GRK5: variants seen among roughly 807,000 people sequenced by gnomAD.
GRK5 encodes the protein g protein-coupled receptor kinase GRK5.
Under a neutral mutation model 78.4 loss-of-function variants are expected in GRK5, and 40 were observed. That is an observed-to-expected ratio of 0.51 (90% CI 0.40 to 0.66). The LOEUF (loss-of-function observed/expected upper bound fraction) is 0.66. Among genes scored for constraint, GRK5 ranks in the 30% least tolerant of loss-of-function variants. GRK5 has a pLI of 0.00. For synonymous variants in GRK5, 289 were observed against 296.8 expected (o/e 0.97, Z 0.27); for missense variants, 598 against 759.9 (o/e 0.79, Z 2.50).
At chr10:119,426,758 CCAT>C (rs1852685638) in intron 6 of GRK5, among the ~76,000 whole-genome samples, 1 of 152,028 alleles carries the variant, frequency 6.6e-6, no homozygotes, top group South Asian at 2.1e-4. Flanking sequence ...ATCAGTATCA[CCAT>C]CATCATCAGT....
intron 1 of GRK5, among the ~76,000 whole-genome samples, chr10:119,252,311 T>C (rs1849217579): frequency 6.6e-6 from 1 of 152,200 alleles, no homozygotes; most frequent in Non-Finnish European, 1.5e-5. Flanking sequence ...AGAGCTGTCT[T>C]GTTTCTCCTT....
intron 1 of GRK5, among the ~76,000 whole-genome samples, chr10:119,280,390 C>G (rs751117224): frequency 6.6e-6 from 1 of 152,148 alleles, no homozygotes; most frequent in Non-Finnish European, 1.5e-5. Flanking sequence ...GTTTTAATAC[C>G]TGCAGGAACG....
intron 2 of GRK5, among the ~76,000 whole-genome samples, chr10:119,357,951 G>C (rs368351926): frequency 4.9e-4 from 74 of 152,306 alleles, no homozygotes; most frequent in African/African-American, 1.7e-3. Flanking sequence ...GGTGGGCAGC[G>C]TCTGCTGAGC....
chr10:119,430,785 G>A lies in GRK5; in HGVS notation c.597+347G>A, dbSNP rs1852801385. ...GGGCAACCTTGGCCACTCAGTGCCT[G>A]GATGACGCTGTCATGCAAGATTCGA... On this transcript the variant is annotated intron_variant, in intron 7 of 15. Coordinates refer to ENST00000392870, the MANE Select transcript of GRK5 (RefSeq NM_005308.3). The surrounding 1 kb of genome is among the most constrained non-coding windows in gnomAD (Gnocchi z 4.5). Among the ~76,000 whole-genome samples, 1 of 152,160 alleles carries A rather than the reference G, an allele frequency of 6.6e-6. No individual in the cohort carries two copies. The highest frequency in any genetic ancestry group is 2.4e-5 in the African/African-American group (1 of 41,436).
Position 119,456,889 on chromosome 10 carries a change from T to C in GRK5, c.*1822T>C, listed in dbSNP as rs1258790633. On this transcript the variant is annotated 3_prime_UTR_variant, in exon 16 of 16. Coordinates refer to ENST00000392870, the MANE Select transcript of GRK5 (RefSeq NM_005308.3). The surrounding 1 kb of genome is among the most constrained non-coding windows in gnomAD (Gnocchi z 5.5). ...ACCCCTGGGTCCTGGGGCGTACCGC[T>C]AAAAGGGTCCTGGCCTTTGGGACTG... 1 of 152,230 alleles carries C rather than the reference T, an allele frequency of 6.6e-6. No homozygotes were observed. Among genetic ancestry groups the C allele is most frequent in the Non-Finnish European group, 1.5e-5 (1 of 68,042 alleles). The allele number at this position is 152,230 out of a possible 1,614,324, so 9.4% of individuals were successfully genotyped here. A position where few individuals can be genotyped will look rare whatever the true frequency, so the allele number is the denominator to read the frequency against.
chr10:119,322,464 G>A (rs1850602671), intron 1 of GRK5, among the ~76,000 whole-genome samples: 1 of 152,236 alleles, frequency 6.6e-6, no homozygotes, highest in African/African-American at 2.4e-5. Flanking sequence ...TAACGCGTTG[G>A]ATGTGTCTGT....
At chr10:119,322,623 T>C (rs1331075215) in intron 1 of GRK5, among the ~76,000 whole-genome samples, 4 of 152,232 alleles carry the variant, frequency 2.6e-5, no homozygotes, top group African/African-American at 9.6e-5. Context: ...AATAGACTCC[T>C]GGGTTCCATA....
chr10:119,275,611 TCGCACA>T (rs1402295225), intron 1 of GRK5, among the ~76,000 whole-genome samples: 2 of 123,968 alleles, frequency 1.6e-5, no homozygotes, highest in South Asian at 2.6e-4. Flanking sequence ...TCTCTCTCTC[TCGCACA>T]CACACACACA....
intron 2 of GRK5, among the ~76,000 whole-genome samples, chr10:119,352,487 C>T (rs1277782323): frequency 2.6e-5 from 4 of 152,180 alleles, no homozygotes; most frequent in African/African-American, 4.8e-5. Context: ...ACATCCTGCC[C>T]TCAAGGTGCT....
At chr10:119,293,260 C>T (rs1391740454) in intron 1 of GRK5, among the ~76,000 whole-genome samples, 1 of 152,212 alleles carries the variant, frequency 6.6e-6, no homozygotes, top group South Asian at 2.1e-4. Flanking sequence ...TGGCTCACAC[C>T]TGTGATTCCA....
chr10:119,448,885 A>G (rs1297687710), intron 13 of GRK5, among the ~76,000 whole-genome samples: 1 of 152,198 alleles, frequency 6.6e-6, no homozygotes, highest in Non-Finnish European at 1.5e-5. Flanking sequence ...TCTCAGCTGG[A>G]TCAGAGGCCC....
chr10:119,446,046 C>G (rs542737393), intron 12 of GRK5, among the ~76,000 whole-genome samples: 62 of 152,332 alleles, frequency 4.1e-4, no homozygotes, highest in Non-Finnish European at 6.6e-4. Flanking sequence ...GCCTTAGCCC[C>G]CCTCCAGCTC....
In GRK5 at chr10:119,448,277, A is replaced by G. The variant is rs370133184; in HGVS notation, c.1404+17A>G. ...GTTCCAGACGTGAGTAGCCTCCCCC[A>G]GCCCCCAGCAGCTCCCTTCACAGGG... On this transcript the variant is annotated intron_variant, in intron 13 of 15. Coordinates refer to ENST00000392870, the MANE Select transcript of GRK5 (RefSeq NM_005308.3). 10 of 1,578,020 alleles carry G rather than the reference A, an allele frequency of 6.3e-6. No individual in the cohort carries two copies. The African/African-American group carries it at 1.4e-4, about 22-fold the overall frequency.
chr10:119,437,993 G>A (rs2133902391), intron 9 of GRK5, among the ~76,000 whole-genome samples: 1 of 152,320 alleles, frequency 6.6e-6, no homozygotes, highest in African/African-American at 2.4e-5. Flanking sequence ...AGATACTTGG[G>A]AGGCTGAGGC....
At chr10:119,279,211 C>G (rs1275803300) in intron 1 of GRK5, among the ~76,000 whole-genome samples, 1 of 152,218 alleles carries the variant, frequency 6.6e-6, no homozygotes, top group Non-Finnish European at 1.5e-5. Context: ...ATCAGTCACA[C>G]TGGGCTGGGG....
chr10:119,225,733 C>T (rs1273048724), intron 1 of GRK5, among the ~76,000 whole-genome samples: 6 of 144,602 alleles, frequency 4.1e-5, no homozygotes, highest in East Asian at 4.0e-4. Context: ...TGCAATGGCG[C>T]GATCTTGGCT....
intron 1 of GRK5, among the ~76,000 whole-genome samples, chr10:119,312,984 ATGG>A (rs1315830188): frequency 6.7e-6 from 1 of 149,852 alleles, no homozygotes; most frequent in African/African-American, 2.5e-5. Context: ...GGTGATGCTG[ATGG>A]TGGTGGTAAT....
intron 1 of GRK5, among the ~76,000 whole-genome samples, chr10:119,275,611 T>TCTCGCG (rs574879389): frequency 8.9e-5 from 11 of 123,968 alleles, no homozygotes; most frequent in Middle Eastern, 4.3e-3. Context: ...TCTCTCTCTC[T>TCTCGCG]CGCACACACA....
At chr10:119,390,305 C>T (rs1233952792) in intron 3 of GRK5, among the ~76,000 whole-genome samples, 2 of 152,152 alleles carry the variant, frequency 1.3e-5, no homozygotes, top group East Asian at 3.8e-4. Context: ...CTAGGGATGC[C>T]TCACAGTCAT....
Sources: gnomAD v4.1 joint callset for allele counts (sites outside exome capture counted in the v4.1 genomes callset) on GRCh38, gnomAD v4.1.1 for gene constraint, Gnocchi (gnomAD v3.1) non-coding constraint, MANE v1.5 for transcripts, NCBI Gene and HGNC (gene_info 2026-07-23, HGNC 2026-07-21) for gene names.